The following LSS variants were observed in gnomAD, a reference collection of about 807,000 sequenced individuals.
The protein encoded by LSS is 2,3-epoxysqualene-lanosterol cyclase.
LSS carries 90 observed loss-of-function variants against 110.3 expected under a neutral mutation model. The ratio of observed to expected loss-of-function variants is 0.82; its 90% CI spans 0.69 to 0.97. The LOEUF is 0.97. LSS is among the 50% of genes least tolerant of loss of function. The pLI, the probability that LSS is intolerant of heterozygous loss-of-function variation, is 0.00. For synonymous variants in LSS, 433 were observed against 400.0 expected, an observed-to-expected ratio of 1.08 and a Z score of -0.98; for missense variants, 927 against 990.0, an observed-to-expected ratio of 0.94 and a Z score of 0.85.
At chr21:46,224,427 A>G (rs544229907) in intron 3 of LSS, among the ~76,000 whole-genome samples, 2 of 152,064 alleles carry the variant, frequency 1.3e-5, no homozygotes, top group African/African-American at 4.8e-5. Context: ...TTGCGTCTTT[A>G]TTTCTACACT....
intron 20 of LSS, chr21:46,193,159 A>G: frequency 4.5e-6 from 2 of 444,748 alleles, no homozygotes; most frequent in South Asian, 3.2e-5. Context: ...CTGTGTGTGC[A>G]TCTGTCTTCA....
intron 6 of LSS, among the ~76,000 whole-genome samples, chr21:46,217,821 C>A: frequency 6.6e-6 from 1 of 152,210 alleles, no homozygotes; most frequent in Non-Finnish European, 1.5e-5. Context: ...CCGCTCATTA[C>A]ACACGGGCGA....
At chr21:46,214,543 C>CTA (rs915388411) in intron 9 of LSS, among the ~76,000 whole-genome samples, 1 of 152,212 alleles carries the variant, frequency 6.6e-6, no homozygotes, top group Non-Finnish European at 1.5e-5. Flanking sequence ...CAGAGAATGC[C>CTA]TAAGCCAACC....
chr21:46,209,624 G>T lies in LSS; in HGVS notation c.1196C>A (p.Ala399Glu). The change falls in exon 13 of 22, where the codon GCG (alanine) becomes GAG (glutamate). Residue 399 changes from alanine (A) to glutamate (E), a missense_variant and splice_region_variant. By Grantham distance (107) the Ala-to-Glu change is moderately radical (BLOSUM62 -1). Transcript: ENST00000397728. This position sits in a 1 kb window ranked among gnomAD's most constrained non-coding sequence, Gnocchi z 4.4. Reference protein sequence around the residue: ...TAFAIQALLEAGGHHRPEFSS... With the variant: ...TAFAIQALLEEGGHHRPEFSS... ...AAACTCGGGCCTGTGGTGCCCGCCC[G>T]CCTGGAAGAGACAGCAGGACAGAGA... is the stretch of plus-strand genomic sequence containing the variant. 6.2e-7 allele frequency: 1 copy of T among 1,606,116 alleles called. No individual in the cohort carries two copies. Among genetic ancestry groups the T allele is most frequent in the East Asian group, 2.2e-5 (1 of 44,626 alleles).
At chr21:46,226,079 C>A (rs543966107) in intron 3 of LSS, among the ~76,000 whole-genome samples, 1 of 150,676 alleles carries the variant, frequency 6.6e-6, no homozygotes, top group Admixed American at 6.6e-5. Context: ...GAGGCTGCAA[C>A]GAGCCAAAAT....
At chr21:46,205,366 G>T (rs959120801) in intron 17 of LSS, among the ~76,000 whole-genome samples, 1 of 152,218 alleles carries the variant, frequency 6.6e-6, no homozygotes, top group East Asian at 1.9e-4. Context: ...GATCCAAAGC[G>T]AGCAACAGAC....
chr21:46,195,133 A>C (rs1186642778), intron 19 of LSS, among the ~76,000 whole-genome samples: 1 of 152,098 alleles, frequency 6.6e-6, no homozygotes, highest in Non-Finnish European at 1.5e-5. Context: ...CGTGGACCCT[A>C]ATCTTCCTAC....
At chr21:46,218,766 G>A (rs1252669006) in intron 6 of LSS, among the ~76,000 whole-genome samples, 10 of 143,430 alleles carry the variant, frequency 7.0e-5, no homozygotes, top group Non-Finnish European at 9.0e-5. Context: ...TCACTCCGTC[G>A]CCAGGCTGGA....
chr21:46,205,615 A>T (rs550431426), intron 17 of LSS, among the ~76,000 whole-genome samples: 23 of 152,206 alleles, frequency 1.5e-4, no homozygotes, highest in Non-Finnish European at 1.0e-4. Flanking sequence ...AGAGAGAGAA[A>T]ATCCATTTTT....
rs994909553 is a variant in LSS, at chr21:46,213,132, G to C, written c.1110-80C>G. The C allele has an allele frequency of 1.6e-5, 22 of 1,407,288 alleles. No homozygotes were observed. In the Admixed American group the frequency reaches 2.5e-4, roughly 16 times the overall value. 87.2% of individuals were successfully genotyped at this position (1,407,288 alleles called of 1,614,324 possible). ...TGCTACCCAGACCCTGCACTCAGGAGGGTCCCAGAGAGGCCGTCTGTCCCC... is the reference window on the plus strand; with the variant it reads ...TGCTACCCAGACCCTGCACTCAGGACGGTCCCAGAGAGGCCGTCTGTCCCC... On this transcript the variant is annotated intron_variant, in intron 10 of 21. Coordinates refer to ENST00000397728, the MANE Select transcript of LSS (RefSeq NM_002340.6).
chr21:46,191,330 G>T, intron 21 of LSS, 95 bp from the exon 22 acceptor site: 8 of 1,423,978 alleles, frequency 5.6e-6, no homozygotes, highest in Non-Finnish European at 7.8e-6. Flanking sequence ...TGGCTGGCTT[G>T]TGGGTGAGTC....
At chr21:46,222,409 C>A (rs2280956) in intron 4 of LSS, 72 of 578,320 alleles carry the variant, frequency 1.2e-4, no homozygotes, top group African/African-American at 1.1e-3. Context: ...CAAGAGTGTC[C>A]TAACAGCCAC....
chr21:46,228,476 G>C lies in LSS; in HGVS notation c.138C>G (p.Arg46=), dbSNP rs572893842. The change falls in exon 2 of 22, where the codon CGC becomes CGG. Residue 46 remains arginine, a synonymous_variant. Coordinates refer to ENST00000397728, the MANE Select transcript of LSS (RefSeq NM_002340.6). ...CGTAGGCTTCCAGGCCGGTCTGCTC[G>C]CGGCCGGCGCGCTCGTCCTGCAGGT... The part of the protein sequence containing the change: ...WTYLQDERAG[R]EQTGLEAYAL... 1 of 1,603,400 alleles carries C rather than the reference G, an allele frequency of 6.2e-7. No homozygotes were observed. Among genetic ancestry groups the C allele is most frequent in the Non-Finnish European group, 8.5e-7 (1 of 1,179,592 alleles).
At chr21:46,211,408 C>T (rs893603309) in intron 11 of LSS, among the ~76,000 whole-genome samples, 3 of 152,284 alleles carry the variant, frequency 2.0e-5, no homozygotes, top group South Asian at 2.1e-4. Flanking sequence ...GGATTACAGG[C>T]GTGAGCCACC....
At chr21:46,196,052 G>C in intron 18 of LSS, 150 bp downstream of exon 18, 1 of 780,848 alleles carries the variant, frequency 1.3e-6, no homozygotes, top group Non-Finnish European at 2.1e-6. Context: ...AAAGGAACGA[G>C]GTCCCCCAGA....
chr21:46,199,612 G>A (rs2079953624), intron 17 of LSS, among the ~76,000 whole-genome samples: 2 of 152,162 alleles, frequency 1.3e-5, no homozygotes, highest in African/African-American at 4.8e-5. Flanking sequence ...ATTCACCTTA[G>A]TAGGTGAATG....
At chr21:46,195,805 G>A (rs1017384169) in intron 18 of LSS, 49 bp from the exon 19 acceptor site, 9 of 1,487,986 alleles carry the variant, frequency 6.0e-6, no homozygotes, top group Middle Eastern at 1.7e-4. Flanking sequence ...GTTCACAGCC[G>A]GTGTGTGAAA....
intron 17 of LSS, among the ~76,000 whole-genome samples, chr21:46,201,585 G>C (rs1006703683): frequency 6.6e-6 from 1 of 152,026 alleles, no homozygotes; most frequent in African/African-American, 2.4e-5. Flanking sequence ...GGGAGGACAG[G>C]TCATGAAGCC....
chr21:46,216,148 G>C lies in LSS; in HGVS notation c.783+241C>G, dbSNP rs934118754. 7.2e-5 allele frequency among the ~76,000 whole-genome samples: 11 copies of C among 152,082 alleles called. No individual in the cohort carries two copies. The highest frequency in any genetic ancestry group is 2.7e-4 in the African/African-American group (11 of 41,412). On this transcript the variant is annotated intron_variant, in intron 7 of 21. Transcript: ENST00000397728. The surrounding 1 kb of genome is among the most constrained non-coding windows in gnomAD (Gnocchi z 4.2). ...TGCCTCCTGCATCCCTTGAGTCCTG[G>C]AAGTCCCCCCCAGGAACCCTGGGCT...
Sources: allele counts gnomAD v4.1 joint callset (sites outside exome capture counted in the v4.1 genomes callset), GRCh38; gene constraint gnomAD v4.1.1; non-coding constraint Gnocchi (gnomAD v3.1); transcripts MANE v1.5; gene names NCBI Gene and HGNC (gene_info 2026-07-23, HGNC 2026-07-21).